The following PRPSAP2 variants were observed in gnomAD, a reference collection of about 807,000 sequenced individuals.
PRPSAP2 encodes the protein phosphoribosyl pyrophosphate synthetase associated protein 2.
In PRPSAP2, 24 loss-of-function variants were observed where a neutral mutation model predicts 40.6. That is an observed-to-expected ratio of 0.59 (90% CI 0.43 to 0.83). The LOEUF (loss-of-function observed/expected upper bound fraction) is 0.83, where lower values mean the gene tolerates loss of function less well. Ranked by LOEUF, PRPSAP2 falls within the 40% of genes least tolerant of loss-of-function variation. The probability of loss-of-function intolerance (pLI) is 0.00; values close to 1 mark genes in which losing one functional copy is unlikely to be tolerated. For missense variants in PRPSAP2, 292 were observed against 465.6 expected (o/e 0.63, Z 3.43); for synonymous variants, 149 against 164.7 (o/e 0.90, Z 0.73).
intron 6 of PRPSAP2, among the ~76,000 whole-genome samples, chr17:18,879,505 G>A: frequency 6.6e-6 from 1 of 151,904 alleles, no homozygotes; most frequent in East Asian, 2.0e-4. Flanking sequence ...CCAGGCTGGA[G>A]TGCAGTAGCG....
chr17:18,903,004 A>G (rs936510452), intron 8 of PRPSAP2, among the ~76,000 whole-genome samples: 2 of 151,868 alleles, frequency 1.3e-5, no homozygotes, highest in Non-Finnish European at 2.9e-5. Context: ...CTGTGTTCCC[A>G]TGGCACTTGC....
chr17:18,892,720 TGTGTGTG>T (rs1567708997), intron 8 of PRPSAP2, among the ~76,000 whole-genome samples: 5 of 99,250 alleles, frequency 5.0e-5, no homozygotes, highest in Non-Finnish European at 2.3e-5. Flanking sequence ...TGTGTGTGTG[TGTGTGTG>T]TATTTATTTA....
intron 4 of PRPSAP2, among the ~76,000 whole-genome samples, chr17:18,868,066 G>T (rs560362917): frequency 1.1e-4 from 16 of 152,252 alleles, no homozygotes; most frequent in African/African-American, 3.6e-4. Context: ...AGCCCAGGAG[G>T]TGGAGGCTGC....
At chr17:18,872,174 G>A (rs1304112549) in intron 4 of PRPSAP2, among the ~76,000 whole-genome samples, 1 of 151,856 alleles carries the variant, frequency 6.6e-6, no homozygotes, top group East Asian at 2.0e-4. Context: ...TCGGGAGGCT[G>A]AGGCAGGAGA....
chr17:18,906,181 T>C (rs529833748), intron 8 of PRPSAP2, among the ~76,000 whole-genome samples: 1 of 152,282 alleles, frequency 6.6e-6, no homozygotes, highest in Non-Finnish European at 1.5e-5. Flanking sequence ...GACCAATAAA[T>C]GTTTACTTAC....
chr17:18,876,366 CT>C (rs952394812), intron 5 of PRPSAP2, among the ~76,000 whole-genome samples: 263 of 151,628 alleles, frequency 1.7e-3, no homozygotes, highest in African/African-American at 6.2e-3. Flanking sequence ...TTCTGAAAAT[CT>C]TTTTTTTTCC....
chr17:18,864,489 C>T (rs2037287954), intron 1 of PRPSAP2, among the ~76,000 whole-genome samples: 1 of 151,854 alleles, frequency 6.6e-6, no homozygotes. Context: ...AGACAGATTT[C>T]ACCCTTTTGG....
intron 8 of PRPSAP2, among the ~76,000 whole-genome samples, chr17:18,907,746 C>T (rs2040686917): frequency 6.6e-6 from 1 of 152,114 alleles, no homozygotes; most frequent in South Asian, 2.1e-4. Context: ...TTGGAAATGT[C>T]CTGAATATTT....
At chr17:18,929,048 T>G in intron 11 of PRPSAP2, 91 bp downstream of exon 11, 1 of 1,510,816 alleles carries the variant, frequency 6.6e-7, no homozygotes, top group Non-Finnish European at 8.9e-7. Flanking sequence ...AAGACTGAGA[T>G]CTTTTGTGGC....
intron 8 of PRPSAP2, among the ~76,000 whole-genome samples, chr17:18,892,725 G>GTA (rs2039634590): frequency 1.2e-5 from 1 of 83,906 alleles, no homozygotes; most frequent in African/African-American, 4.5e-5. Context: ...GTGTGTGTGT[G>GTA]TGTATTTATT....
In PRPSAP2 at chr17:18,911,386, T is replaced by C; in HGVS notation, c.733+135T>C. On this transcript the variant is annotated intron_variant, in intron 9 of 11. Coordinates refer to ENST00000268835, the MANE Select transcript of PRPSAP2 (RefSeq NM_002767.4). This position sits in a 1 kb window ranked among gnomAD's most constrained non-coding sequence, Gnocchi z 4.5. Reference sequence around the variant, plus strand: ...CTCATTAACACCTTTCTTGGCCAGATAGTAGCGAATGCATTTCTGATTACC... The same window carrying C: ...CTCATTAACACCTTTCTTGGCCAGACAGTAGCGAATGCATTTCTGATTACC... 9.5e-7 allele frequency: 1 copy of C among 1,052,838 alleles called. No individual in the cohort carries two copies. The highest frequency in any genetic ancestry group is 1.3e-6 in the Non-Finnish European group (1 of 753,966). 65.2% of individuals were successfully genotyped at this position (1,052,838 alleles called of 1,614,324 possible).
chr17:18,866,433 G>A (rs557216015), intron 3 of PRPSAP2, among the ~76,000 whole-genome samples: 4 of 152,144 alleles, frequency 2.6e-5, no homozygotes, highest in South Asian at 4.1e-4. Context: ...GCGTGGTGGC[G>A]GGCACCTGTA....
At chr17:18,919,327 C>T (rs2041553483) in intron 9 of PRPSAP2, among the ~76,000 whole-genome samples, 1 of 152,046 alleles carries the variant, frequency 6.6e-6, no homozygotes, top group Non-Finnish European at 1.5e-5. Context: ...ACCAAGATGG[C>T]GAAACGCTGT....
At chr17:18,875,204 T>C (rs561758377) in intron 5 of PRPSAP2, among the ~76,000 whole-genome samples, 1 of 152,312 alleles carries the variant, frequency 6.6e-6, no homozygotes, top group East Asian at 1.9e-4. Context: ...ACTCGGGTTC[T>C]CAGTCTTGTC....
intron 9 of PRPSAP2, among the ~76,000 whole-genome samples, chr17:18,913,610 G>A (rs955373430): frequency 7.5e-6 from 1 of 133,042 alleles, no homozygotes; most frequent in Non-Finnish European, 1.5e-5. Context: ...GTGCAGTTGT[G>A]CGATCATGGC....
At chr17:18,897,453 G>GTGGTGTTGTTGT (rs1555555754) in intron 8 of PRPSAP2, among the ~76,000 whole-genome samples, 18 of 150,598 alleles carry the variant, frequency 1.2e-4, no homozygotes, top group East Asian at 3.9e-4. Flanking sequence ...CTCTATAGTG[G>GTGGTGTTGTTGT]TGTTGTTGTT....
At chr17:18,921,902 G>GTGCAGTTACCATTTCT (rs2041708224) in intron 9 of PRPSAP2, among the ~76,000 whole-genome samples, 3 of 152,084 alleles carry the variant, frequency 2.0e-5, no homozygotes, top group Admixed American at 2.0e-4. Flanking sequence ...TCACAGTTTT[G>GTGCAGTTACCATTTCT]TGCAGTTACC....
chr17:18,916,332 C>G (rs943543132), intron 9 of PRPSAP2, among the ~76,000 whole-genome samples: 4 of 151,434 alleles, frequency 2.6e-5, no homozygotes, highest in African/African-American at 9.7e-5. Context: ...CAATTTCTGT[C>G]TTAGTTTGTT....
chr17:18,928,541 G>A (rs967862477), intron 10 of PRPSAP2: 37 of 432,332 alleles, frequency 8.6e-5, no homozygotes, highest in African/African-American at 6.4e-4. Flanking sequence ...TTATGGTGCA[G>A]AAAACAGTGC....
Sources: allele counts gnomAD v4.1 joint callset (sites outside exome capture counted in the v4.1 genomes callset), GRCh38; gene constraint gnomAD v4.1.1; non-coding constraint Gnocchi (gnomAD v3.1); transcripts MANE v1.5; gene names NCBI Gene and HGNC (gene_info 2026-07-23, HGNC 2026-07-21).